Variants in BUD13 observed in about 807,000 individuals in gnomAD.
BUD13 encodes the protein BUD13 spliceosome associated protein.
A neutral mutation model predicts 62.5 loss-of-function variants in BUD13; 47 were observed. That is an observed-to-expected ratio of 0.75 (90% CI 0.60 to 0.96). The LOEUF is 0.96. BUD13 is among the 40% of genes least tolerant of loss of function. The probability of loss-of-function intolerance (pLI) is 0.00; values close to 1 mark genes in which losing one functional copy is unlikely to be tolerated. For synonymous variants in BUD13, 293 were observed against 280.1 expected (o/e 1.05, Z -0.46); for missense variants, 821 against 790.9 (o/e 1.04, Z -0.46).
At chr11:116,757,050 G>A in intron 9 of BUD13, 96 bp downstream of exon 9, 1 of 1,199,090 alleles carries the variant, frequency 8.3e-7, no homozygotes, top group Non-Finnish European at 1.2e-6. Flanking sequence ...TTCACCTTGT[G>A]ATTAAAGCAG....
chr11:116,758,387 T>C lies in BUD13; in HGVS notation c.1381A>G (p.Thr461Ala), dbSNP rs772097179. 6.2e-7 allele frequency: 1 copy of C among 1,614,008 alleles called. No homozygotes were observed. The highest frequency in any genetic ancestry group is 8.5e-7 in the Non-Finnish European group (1 of 1,179,988). ...CGACCAGACTTATCTCGAAATACGG[T>C]TTCAGCATATTGAAATTCAGCTGCA... Reference protein sequence around the residue: ...AFEAEFQYAETVFRDKSGRKR... With the variant: ...AFEAEFQYAEAVFRDKSGRKR... Residue 461 changes from threonine to alanine, a missense_variant, in exon 7 of 10, where the codon ACC (threonine) becomes GCC (alanine). This residue lies in a region of BUD13 where 800 missense variants were observed against 739.2 expected (regional missense o/e 1.08). Transcript: ENST00000260210.
intron 1 of BUD13, among the ~76,000 whole-genome samples, chr11:116,772,459 G>T (rs1028163718): frequency 5.3e-5 from 8 of 152,180 alleles, no homozygotes; most frequent in African/African-American, 1.7e-4. Flanking sequence ...ATCCCCACAG[G>T]CAGGTACCGG....
intron 9 of BUD13, among the ~76,000 whole-genome samples, chr11:116,753,193 G>A (rs1037548395): frequency 2.6e-5 from 4 of 152,196 alleles, no homozygotes; most frequent in African/African-American, 9.7e-5. Context: ...GCTCATGAAG[G>A]CAGAAAGCCA....
At chr11:116,757,004 G>C in intron 9 of BUD13, 142 bp downstream of exon 9, 1 of 702,674 alleles carries the variant, frequency 1.4e-6, no homozygotes, top group South Asian at 1.9e-5. Flanking sequence ...TAGGATTTGT[G>C]GACCTCAGAA....
At chr11:116,760,355 G>T (rs1447860388) in intron 5 of BUD13, among the ~76,000 whole-genome samples, 1 of 152,232 alleles carries the variant, frequency 6.6e-6, no homozygotes, top group Non-Finnish European at 1.5e-5. Flanking sequence ...CTCACAGACA[G>T]TAAGTGGCAG....
At chr11:116,761,071 T>TTA (rs1491090834) in intron 4 of BUD13, 119 bp from the exon 5 acceptor site, 43 of 265,488 alleles carry the variant, frequency 1.6e-4, no homozygotes, top group South Asian at 2.6e-4. Context: ...ATTATTATTA[T>TTA]TTTTTTTTTT....
chr11:116,772,832 C>T lies in BUD13; in HGVS notation c.133G>A (p.Gly45Ser), dbSNP rs939197735. The change falls in exon 1 of 10, where the codon GGC becomes AGC. Residue 45 changes from glycine (G) to serine (S), a missense_variant. Transcript: ENST00000260210. ...RKKRPKPGGA[G>S]GKGMRIVDDD... is the part of the protein sequence containing the mutation. Reference sequence around the variant, plus strand: ...CCGGTACCAACTCACCCCTTGCCGCCGGCCCCGCCAGGCTTCGGCCGCTTT... The same window carrying T: ...CCGGTACCAACTCACCCCTTGCCGCTGGCCCCGCCAGGCTTCGGCCGCTTT... 1.3e-6 allele frequency: 2 copies of T among 1,577,524 alleles called. No individual in the cohort carries two copies. The highest frequency in any genetic ancestry group is 1.4e-5 in the African/African-American group (1 of 72,576).
intron 3 of BUD13, among the ~76,000 whole-genome samples, 200 bp downstream of exon 3, chr11:116,765,162 A>G (rs957350666): frequency 2.0e-5 from 3 of 152,194 alleles, no homozygotes; most frequent in African/African-American, 7.2e-5. Flanking sequence ...CCAAAATATA[A>G]GAGAAAGAGG....
chr11:116,748,816 T>C (rs1591293654), intron 9 of BUD13, among the ~76,000 whole-genome samples: 1 of 151,748 alleles, frequency 6.6e-6, no homozygotes. Context: ...TGAAACCCTG[T>C]CTCTACTAAC....
rs1002795166 is a variant in BUD13 at position 116,764,598 on chromosome 11, GACAA to G, written c.322+760_322+763del. ...ATGTGTGTGTCTGTGTGTCTTCCTA[GACAA>G]ACAGACATGGAGACCAAAAGATTCT... On this transcript the variant is annotated intron_variant, in intron 3 of 9. Coordinates refer to ENST00000260210, the MANE Select transcript of BUD13 (RefSeq NM_032725.4). 3.3e-5 allele frequency among the ~76,000 whole-genome samples: 5 copies of G among 152,086 alleles called. No homozygotes were observed. The South Asian group carries it at 8.3e-4, about 25-fold the overall frequency.
intron 1 of BUD13, among the ~76,000 whole-genome samples, chr11:116,770,870 T>C (rs1940615318): frequency 6.6e-6 from 1 of 152,156 alleles, no homozygotes; most frequent in Non-Finnish European, 1.5e-5. Context: ...CATGGCTCCC[T>C]GCAGCCTTGA....
At chr11:116,751,489 C>A (rs536717240) in intron 9 of BUD13, among the ~76,000 whole-genome samples, 1 of 151,748 alleles carries the variant, frequency 6.6e-6, no homozygotes, top group Non-Finnish European at 1.5e-5. Flanking sequence ...ATTAGCTGGG[C>A]GTGGTGCTCA....
intron 1 of BUD13, among the ~76,000 whole-genome samples, chr11:116,772,166 G>A (rs1940641827): frequency 6.6e-6 from 1 of 151,988 alleles, no homozygotes; most frequent in Non-Finnish European, 1.5e-5. Context: ...CATCTCCAAA[G>A]ACCCTATTTC....
Position 116,750,463 on chromosome 11 carries a change from G to A in BUD13, c.1767-1888C>T, listed in dbSNP as rs999027343. ...CCTGGCCATTGTTTCACTACACAAC[G>A]GAACTAGCCCTTTCAGGTCATCACT... is the stretch of plus-strand genomic sequence containing the variant. On this transcript the variant is annotated intron_variant, in intron 9 of 9. Transcript: ENST00000260210. Among the ~76,000 whole-genome samples the A allele has an allele frequency of 1.8e-4, 27 of 152,140 alleles. No homozygotes were observed. The South Asian group carries it at 2.7e-3, about 15-fold the overall frequency.
Position 116,760,835 on chromosome 11 carries a change from C to G in BUD13, c.1154G>C (p.Ser385Thr), listed in dbSNP as rs1232911853. The G allele has an allele frequency of 6.2e-7, 1 of 1,613,972 alleles. No individual in the cohort carries two copies. Among genetic ancestry groups the G allele is most frequent in the Non-Finnish European group, 8.5e-7 (1 of 1,180,020 alleles). Residue 385 changes from serine (S) to threonine (T), a missense_variant, in exon 5 of 10, where the codon AGC becomes ACC. Ser to Thr is a moderately conservative substitution (Grantham distance 58, BLOSUM62 1). Coordinates refer to ENST00000260210, the MANE Select transcript of BUD13 (RefSeq NM_032725.4). ...TGGTGGAGAGAGGTCAGAATCAGAG[C>G]TCCGGTGTCTAGGTCTATTCCGTGG... ...SPPRNRPRHR[S>T]SDSDLSPPRR...
Position 116,758,280 on chromosome 11 carries a change from C to G in BUD13, c.1488G>C (p.Gln496His), listed in dbSNP as rs767631612. 12 of 1,614,172 alleles carry G rather than the reference C, an allele frequency of 7.4e-6. No homozygotes were observed. Among genetic ancestry groups the G allele is most frequent in the Non-Finnish European group, 1.0e-5 (12 of 1,180,026 alleles). ...KDSERDELYA[Q>H]WGKGLAQSRQ... ...AGTGGTTCCCTTACCCTTTTCCCCA[C>G]TGGGCATACAGCTCATCTCTCTCTG... Residue 496 changes from glutamine (Q) to histidine (H), a missense_variant, in exon 7 of 10, where the codon CAG (glutamine) becomes CAC (histidine). Gln to His is a conservative substitution (Grantham distance 24, BLOSUM62 0). Around this residue, in one of 2 missense-constraint regions of BUD13, gnomAD observed 800 missense variants for 739.2 expected, o/e 1.08. Coordinates refer to ENST00000260210, the MANE Select transcript of BUD13 (RefSeq NM_032725.4).
intron 2 of BUD13, among the ~76,000 whole-genome samples, chr11:116,767,606 A>G (rs562876536): frequency 7.9e-5 from 12 of 151,538 alleles, no homozygotes; most frequent in Admixed American, 5.3e-4. Flanking sequence ...AAAAAAAAAA[A>G]AAAAAAGAAA....
At chr11:116,765,655 T>C (rs1278513383) in intron 2 of BUD13, among the ~76,000 whole-genome samples, 2 of 152,238 alleles carry the variant, frequency 1.3e-5, no homozygotes, top group Admixed American at 6.5e-5. Flanking sequence ...TTGTAGATCC[T>C]TCTCTAATTA....
chr11:116,757,735 A>G, intron 8 of BUD13, 31 bp downstream of exon 8: 1 of 1,589,394 alleles, frequency 6.3e-7, no homozygotes. Flanking sequence ...TTCACAAGTC[A>G]CCTCCAGCTG....
Sources: allele counts gnomAD v4.1 joint callset (sites outside exome capture counted in the v4.1 genomes callset), GRCh38; gene constraint gnomAD v4.1.1; regional missense constraint gnomAD v4.1.1; transcripts MANE v1.5; gene names NCBI Gene and HGNC (gene_info 2026-07-23, HGNC 2026-07-21).